The following CNGB3 variants were observed in gnomAD, a reference collection of about 807,000 sequenced individuals.
The protein encoded by CNGB3 is cyclic nucleotide gated channel subunit beta 3, also known as cyclic nucleotide-gated channel beta-3.
Under a neutral mutation model 92.8 loss-of-function variants are expected in CNGB3, and 86 were observed. That is an observed-to-expected ratio of 0.93 (90% CI 0.78 to 1.11). CNGB3 has a LOEUF of 1.11. Ranked by LOEUF, CNGB3 falls within the 50% of genes least tolerant of loss-of-function variation. CNGB3 has a pLI of 0.00. For missense variants in CNGB3, 1,026 were observed against 956.8 expected (o/e 1.07, Z -0.95); for synonymous variants, 333 against 332.7 (o/e 1.00, Z -0.01).
intron 3 of CNGB3, among the ~76,000 whole-genome samples, chr8:86,678,693 C>G (rs552890598): frequency 6.6e-6 from 1 of 152,106 alleles, no homozygotes; most frequent in African/African-American, 2.4e-5. Flanking sequence ...TCTATTGTCC[C>G]AAAAATGTAA....
At chr8:86,733,342 G>A (rs1381890956) in intron 2 of CNGB3, among the ~76,000 whole-genome samples, 2 of 152,146 alleles carry the variant, frequency 1.3e-5, no homozygotes, top group East Asian at 1.9e-4. Flanking sequence ...CCAATCCACT[G>A]TTGATGGGCA....
At chr8:86,736,932 G>A (rs1326245748) in intron 2 of CNGB3, among the ~76,000 whole-genome samples, 1 of 152,152 alleles carries the variant, frequency 6.6e-6, no homozygotes, top group Non-Finnish European at 1.5e-5. Flanking sequence ...CGGTTGAACA[G>A]TCTAGCTTTA....
At chr8:86,659,030 C>T in intron 6 of CNGB3, 1 of 988,736 alleles carries the variant, frequency 1.0e-6, no homozygotes, top group Non-Finnish European at 1.6e-6. Flanking sequence ...GCTCGGCCTC[C>T]ACTTATAGCT....
At chr8:86,711,328 C>T (rs935170458) in intron 3 of CNGB3, among the ~76,000 whole-genome samples, 4 of 152,160 alleles carry the variant, frequency 2.6e-5, no homozygotes, top group African/African-American at 9.7e-5. Flanking sequence ...ATTGTTCACT[C>T]TTGTAATTTT....
At chr8:86,714,185 C>T (rs893063051) in intron 3 of CNGB3, among the ~76,000 whole-genome samples, 2 of 152,110 alleles carry the variant, frequency 1.3e-5, no homozygotes, top group Non-Finnish European at 2.9e-5. Context: ...GTCTTCCTAA[C>T]CCCCCAGCCC....
chr8:86,688,132 A>T (rs1427028627), intron 3 of CNGB3, among the ~76,000 whole-genome samples: 1 of 152,002 alleles, frequency 6.6e-6, no homozygotes, highest in African/African-American at 2.4e-5. Context: ...AGGAGTTTGG[A>T]TCTTATGGGA....
chr8:86,668,815 C>T (rs565592064), intron 4 of CNGB3, among the ~76,000 whole-genome samples: 1 of 152,056 alleles, frequency 6.6e-6, no homozygotes, highest in Non-Finnish European at 1.5e-5. Flanking sequence ...AGGGAAATGT[C>T]CTTTATCTTG....
intron 15 of CNGB3, among the ~76,000 whole-genome samples, chr8:86,588,870 A>T (rs1374581115): frequency 1.3e-5 from 2 of 151,678 alleles, no homozygotes; most frequent in African/African-American, 4.9e-5. Flanking sequence ...GTTAGAGAGG[A>T]TTCCCTCTTT....
At chr8:86,580,017 TAACTC>T (rs1437408170) in intron 15 of CNGB3, among the ~76,000 whole-genome samples, 1 of 152,116 alleles carries the variant, frequency 6.6e-6, no homozygotes, top group Admixed American at 6.5e-5. Flanking sequence ...GATGCTTAAT[TAACTC>T]AATTCTGCAT....
At position 86,673,792 on chromosome 8, in the gene CNGB3, A is replaced by T. The variant is rs74322287; in HGVS notation, c.339-2694T>A. On this transcript the variant is annotated intron_variant, in intron 3 of 17. Transcript: ENST00000320005. The stretch of plus-strand genomic sequence containing the variant: ...TTGTATGAAGTAGCGGCATGAAAAA[A>T]TTTTTTGTGTGTGTATCTTCAGTTT... Among the ~76,000 whole-genome samples, 11 of 152,024 alleles carry T rather than the reference A, an allele frequency of 7.2e-5. No homozygotes were observed. The East Asian group carries it at 9.6e-4, about 13-fold the overall frequency.
chr8:86,641,566 C>G (rs944712131), intron 10 of CNGB3, among the ~76,000 whole-genome samples: 1 of 151,846 alleles, frequency 6.6e-6, no homozygotes, highest in Non-Finnish European at 1.5e-5. Flanking sequence ...GTACTTCTCC[C>G]CAAAACTGCC....
At chr8:86,695,257 G>T (rs995850663) in intron 3 of CNGB3, among the ~76,000 whole-genome samples, 1 of 152,208 alleles carries the variant, frequency 6.6e-6, no homozygotes, top group Non-Finnish European at 1.5e-5. Flanking sequence ...GTACAGTCCA[G>T]CTTCGGCTCG....
chr8:86,629,085 C>T lies in CNGB3; in HGVS notation c.1321-7G>A, dbSNP rs754556822. On this transcript the variant is annotated splice_polypyrimidine_tract_variant and splice_region_variant and intron_variant, in intron 11 of 17. Transcript: ENST00000320005. The stretch of plus-strand genomic sequence containing the variant: ...CTCCAATCACATCTCTCATCTAAAA[C>T]CACAAATATGGTCACTCCACGCCCA... 5 of 1,613,920 alleles carry T rather than the reference C, an allele frequency of 3.1e-6. No homozygotes were observed. The highest frequency in any genetic ancestry group is 1.7e-5 in the Admixed American group (1 of 59,968).
At chr8:86,725,299 C>T (rs1330415511) in intron 3 of CNGB3, among the ~76,000 whole-genome samples, 1 of 152,156 alleles carries the variant, frequency 6.6e-6, no homozygotes, top group Non-Finnish European at 1.5e-5. Flanking sequence ...GACCCTATTA[C>T]TACAGGCAAA....
At chr8:86,583,684 T>C (rs1404410277) in intron 15 of CNGB3, among the ~76,000 whole-genome samples, 1 of 151,614 alleles carries the variant, frequency 6.6e-6, no homozygotes, top group Non-Finnish European at 1.5e-5. Flanking sequence ...CTTTGGGAGG[T>C]TGAGGCAGGC....
chr8:86,677,553 G>A (rs1823999596), intron 3 of CNGB3, among the ~76,000 whole-genome samples: 1 of 152,168 alleles, frequency 6.6e-6, no homozygotes, highest in South Asian at 2.1e-4. Flanking sequence ...ACCAGTAAAA[G>A]CCTGCATAGA....
intron 3 of CNGB3, among the ~76,000 whole-genome samples, chr8:86,678,989 G>A (rs1319558721): frequency 6.6e-6 from 1 of 151,936 alleles, no homozygotes; most frequent in Non-Finnish European, 1.5e-5. Context: ...TTTGGGAGTA[G>A]AAAATTAACA....
chr8:86,743,383 C>A, intron 1 of CNGB3, 116 bp downstream of exon 1: 5 of 1,117,670 alleles, frequency 4.5e-6, no homozygotes, highest in South Asian at 1.2e-5. Flanking sequence ...AGTACATGTA[C>A]CAGATGGTGC....
chr8:86,661,752 A>G, intron 6 of CNGB3: 1 of 1,586,100 alleles, frequency 6.3e-7, no homozygotes, highest in Non-Finnish European at 8.6e-7. Flanking sequence ...TCAAACATCC[A>G]GGTGCTTAGG....
Sources: gnomAD v4.1 joint callset for allele counts (sites outside exome capture counted in the v4.1 genomes callset) on GRCh38, gnomAD v4.1.1 for gene constraint, MANE v1.5 for transcripts, NCBI Gene and HGNC (gene_info 2026-07-23, HGNC 2026-07-21) for gene names.